GFOD1: variants seen among roughly 807,000 people sequenced by gnomAD.
GFOD1 encodes glucose-fructose oxidoreductase domain-containing protein 1.
Under a neutral mutation model 25.4 loss-of-function variants are expected in GFOD1, and 9 were observed. That is an observed-to-expected ratio of 0.35 (90% confidence interval 0.21 to 0.62). The LOEUF is 0.62. Ranked by LOEUF, GFOD1 falls within the 20% of genes least tolerant of loss-of-function variation. The pLI, the probability that GFOD1 is intolerant of heterozygous loss-of-function variation, is 0.72. For synonymous variants in GFOD1, 253 were observed against 245.6 expected (o/e 1.03, Z -0.28); for missense variants, 403 against 556.9 (o/e 0.72, Z 2.78).
intron 1 of GFOD1, among the ~76,000 whole-genome samples, chr6:13,475,410 C>A (rs910538047): frequency 5.9e-5 from 9 of 151,784 alleles, no homozygotes; most frequent in Non-Finnish European, 1.2e-4. Flanking sequence ...CCCATCTCTA[C>A]TAAAAATACA....
At chr6:13,400,538 C>T (rs1434424763) in intron 1 of GFOD1, among the ~76,000 whole-genome samples, 1 of 152,208 alleles carries the variant, frequency 6.6e-6, no homozygotes, top group East Asian at 1.9e-4. Context: ...ACCTCCGTTT[C>T]GAGTTTATCC....
rs973689284 is a variant in GFOD1, at chr6:13,416,489, G to A, written c.254-50827C>T. 2.4e-4 allele frequency among the ~76,000 whole-genome samples: 37 copies of A among 152,196 alleles called. 1 individual carries two copies. The highest frequency in any genetic ancestry group is 8.7e-4 in the African/African-American group (36 of 41,452). ...CTGAGGTGACATTTAAGCTAAAAAG[G>A]AATGATGAGAAGAAGCTAGCCATGT... On this transcript the variant is annotated intron_variant, in intron 1 of 1. Coordinates refer to ENST00000379287, the MANE Select transcript of GFOD1 (RefSeq NM_018988.4).
chr6:13,392,075 G>A (rs1276484525), intron 1 of GFOD1, among the ~76,000 whole-genome samples: 2 of 152,156 alleles, frequency 1.3e-5, no homozygotes, highest in Non-Finnish European at 2.9e-5. Context: ...ACTAAGAGCT[G>A]CTTCCTAGGC....
At chr6:13,466,868 AG>A (rs746000913) in intron 1 of GFOD1, among the ~76,000 whole-genome samples, 3 of 152,160 alleles carry the variant, frequency 2.0e-5, no homozygotes, top group African/African-American at 4.8e-5. Flanking sequence ...GCCATTAAAG[AG>A]GGGAAAAAAA....
chr6:13,481,558 TACACACACACACACACAC>T (rs55888360), intron 1 of GFOD1, among the ~76,000 whole-genome samples: 51 of 150,782 alleles, frequency 3.4e-4, no homozygotes, highest in South Asian at 6.3e-4. Context: ...AGTGATACCT[TACACACACACACACACAC>T]ACACACACAC....
intron 1 of GFOD1, among the ~76,000 whole-genome samples, chr6:13,435,321 G>A (rs760832068): frequency 2.8e-4 from 42 of 152,066 alleles, no homozygotes; most frequent in Non-Finnish European, 1.3e-4. Flanking sequence ...ACCCTCTGCC[G>A]GGAATACACT....
intron 1 of GFOD1, among the ~76,000 whole-genome samples, chr6:13,444,610 T>C (rs116031848): frequency 0.044 from 6,630 of 152,220 alleles, 518 homozygotes; most frequent in African/African-American, 0.15. Context: ...AATATTTTTA[T>C]TGGGATTGAA....
rs770325894 is a variant in GFOD1, at chr6:13,362,461, CA to C, written c.*2281del. Reference sequence around the variant, plus strand: ...TGGGTGACAGAGCGAGACTCCATTTCAAAAAAAAAAAAAAAAAAAGAAGAAG... The same window carrying C: ...TGGGTGACAGAGCGAGACTCCATTTCAAAAAAAAAAAAAAAAAAGAAGAAG... On this transcript the variant is annotated 3_prime_UTR_variant, in exon 2 of 2. Coordinates refer to ENST00000379287, the MANE Select transcript of GFOD1 (RefSeq NM_018988.4). The C allele has an allele frequency of 0.21, 17,085 of 80,904 alleles. 2,729 individuals are homozygous for C. Among genetic ancestry groups the C allele is most frequent in the African/African-American group, 0.49 (13,937 of 28,618 alleles). 5.0% of individuals were successfully genotyped at this position (80,904 alleles called of 1,614,324 possible). A position where few individuals can be genotyped will look rare whatever the true frequency, so the allele number is the denominator to read the frequency against.
chr6:13,389,000 GAC>G (rs1785531294), intron 1 of GFOD1, among the ~76,000 whole-genome samples: 1 of 152,154 alleles, frequency 6.6e-6, no homozygotes, highest in South Asian at 2.1e-4. Flanking sequence ...GCAGCCAACA[GAC>G]ACATGAAAAA....
chr6:13,419,858 T>C (rs1053706838), intron 1 of GFOD1, among the ~76,000 whole-genome samples: 4 of 152,202 alleles, frequency 2.6e-5, no homozygotes, highest in African/African-American at 9.6e-5. Flanking sequence ...ACGTCCCCTC[T>C]TCGGATAGCC....
rs114589742 is a variant in GFOD1 at position 13,464,207 on chromosome 6, C to T, written c.253+22431G>A. Among the ~76,000 whole-genome samples the T allele has an allele frequency of 4.2e-3, 644 of 152,288 alleles. 4 individuals are homozygous for T. The highest frequency in any genetic ancestry group is 0.015 in the African/African-American group (628 of 41,546). On this transcript the variant is annotated intron_variant, in intron 1 of 1. Coordinates refer to ENST00000379287, the MANE Select transcript of GFOD1 (RefSeq NM_018988.4). ...TTTCCTGCAGACCTGATTTTCCATG[C>T]ACTCTTCCCTGTAAACCCATTTCCT...
intron 1 of GFOD1, among the ~76,000 whole-genome samples, chr6:13,458,786 A>AAAAAAG (rs1758238569): frequency 2.1e-5 from 3 of 144,434 alleles, no homozygotes; most frequent in Admixed American, 7.0e-5. Flanking sequence ...AAAAAAAAAA[A>AAAAAAG]GTGAGAGGGG....
At position 13,365,019 on chromosome 6, in the gene GFOD1, G is replaced by C. The variant is rs1270094389; in HGVS notation, c.897C>G (p.Pro299=). Residue 299 remains proline (P), a synonymous_variant, in exon 2 of 2, where the codon CCC becomes CCG. Transcript: ENST00000379287. This position sits in a 1 kb window ranked among gnomAD's most constrained non-coding sequence, Gnocchi z 9.2. Reference sequence around the variant, plus strand: ...TGATGGTGCCGCGCAGGTAGGGCGAGGGGATGTCGCTGAAGGCCTTCTCCG... The same window carrying C: ...TGATGGTGCCGCGCAGGTAGGGCGACGGGATGTCGCTGAAGGCCTTCTCCG... The part of the protein sequence containing the change: ...LLPEKAFSDI[P]SPYLRGTIKM... The C allele has an allele frequency of 6.2e-7, 1 of 1,610,200 alleles. No homozygotes were observed. Among genetic ancestry groups the C allele is most frequent in the African/African-American group, 1.3e-5 (1 of 74,938 alleles).
intron 1 of GFOD1, among the ~76,000 whole-genome samples, chr6:13,404,924 A>T (rs555963421): frequency 1.2e-4 from 18 of 152,252 alleles, no homozygotes; most frequent in African/African-American, 3.6e-4. Context: ...ATGTTTAAAA[A>T]TTTTTTAATT....
At chr6:13,479,719 C>G (rs1442602923) in intron 1 of GFOD1, among the ~76,000 whole-genome samples, 4 of 152,188 alleles carry the variant, frequency 2.6e-5, no homozygotes, top group Non-Finnish European at 5.9e-5. Flanking sequence ...AATAATCGTT[C>G]AACTGCACCT....
chr6:13,373,594 C>G (rs772785087), intron 1 of GFOD1, among the ~76,000 whole-genome samples: 6 of 152,000 alleles, frequency 3.9e-5, no homozygotes, highest in Non-Finnish European at 5.9e-5. Context: ...ATGAACAGAG[C>G]TATTTATAAT....
chr6:13,475,330 T>G (rs1016089465), intron 1 of GFOD1, among the ~76,000 whole-genome samples: 1 of 152,060 alleles, frequency 6.6e-6, no homozygotes, highest in Admixed American at 6.5e-5. Context: ...TCCCAGCACT[T>G]TGGGAGGCTG....
rs1784899180 is a variant in GFOD1, at chr6:13,358,335, T to C, written c.*6408A>G. On this transcript the variant is annotated 3_prime_UTR_variant, in exon 2 of 2. Coordinates refer to ENST00000379287, the MANE Select transcript of GFOD1 (RefSeq NM_018988.4). ...TTGGTTTTATACATATACATACATA[T>C]ATACTCATGTTTGTAAAACACAATA... The C allele has an allele frequency of 6.6e-6, 1 of 152,134 alleles. No homozygotes were observed. The highest frequency in any genetic ancestry group is 2.4e-5 in the African/African-American group (1 of 41,414). 9.4% of individuals were successfully genotyped at this position (152,134 alleles called of 1,614,324 possible).
At chr6:13,426,575 C>A (rs990862636) in intron 1 of GFOD1, among the ~76,000 whole-genome samples, 1 of 152,158 alleles carries the variant, frequency 6.6e-6, no homozygotes, top group Non-Finnish European at 1.5e-5. Context: ...GCCTCTACCC[C>A]CTAAGAAGGT....
Sources: allele counts gnomAD v4.1 joint callset (sites outside exome capture counted in the v4.1 genomes callset), GRCh38; gene constraint gnomAD v4.1.1; non-coding constraint Gnocchi (gnomAD v3.1); transcripts MANE v1.5; gene names NCBI Gene and HGNC (gene_info 2026-07-23, HGNC 2026-07-21).